Variants in BCKDHB observed in about 807,000 individuals in gnomAD.
BCKDHB encodes branched chain keto acid dehydrogenase E1 subunit beta.
BCKDHB carries 41 observed loss-of-function variants against 48.5 expected under a neutral mutation model. The ratio of observed to expected loss-of-function variants is 0.85; its 90% CI spans 0.66 to 1.10. The LOEUF (loss-of-function observed/expected upper bound fraction) is 1.10. Ranked by LOEUF, BCKDHB falls within the 50% of genes least tolerant of loss-of-function variation. BCKDHB has a pLI of 0.00. For missense variants in BCKDHB, 496 were observed against 494.2 expected (o/e 1.00, Z -0.03); for synonymous variants, 201 against 174.8 (o/e 1.15, Z -1.18).
At chr6:80,127,749 T>C in intron 2 of BCKDHB, 125 bp downstream of exon 2, 2 of 918,584 alleles carry the variant, frequency 2.2e-6, no homozygotes, top group Non-Finnish European at 3.6e-6. Flanking sequence ...AAAGGTATGA[T>C]TGGGGCTAAA....
At chr6:80,374,351 G>T in the BCKDHB span, 4 of 893,226 alleles carry the variant, frequency 4.5e-6, no homozygotes, top group South Asian at 5.2e-5. Flanking sequence ...CCCACTGCTT[G>T]GCCTGGGCAC....
chr6:80,398,030 C>T, the BCKDHB span, among the ~76,000 whole-genome samples: 1 of 152,120 alleles, frequency 6.6e-6, no homozygotes, highest in African/African-American at 2.4e-5. Flanking sequence ...TTTTATACTA[C>T]TGAGAACAAA....
chr6:80,289,197 C>T (rs1016073490), intron 9 of BCKDHB, among the ~76,000 whole-genome samples: 1 of 152,008 alleles, frequency 6.6e-6, no homozygotes, highest in Non-Finnish European at 1.5e-5. Context: ...GCATTTTAGA[C>T]AGTATGGTTG....
chr6:80,307,824 G>C lies in BCKDHB; in HGVS notation c.1038+34603G>C. ...AAGTTGTAGATAATCCATTCAAATGGAATGTGTCTATATGTGTTTTGGACT... is the reference window on the plus strand; with the variant it reads ...AAGTTGTAGATAATCCATTCAAATGCAATGTGTCTATATGTGTTTTGGACT... On this transcript the variant is annotated intron_variant, in intron 9 of 9. Transcript: ENST00000320393. 4.1e-6 allele frequency: 4 copies of C among 985,022 alleles called. No individual in the cohort carries two copies. The South Asian group carries it at 1.4e-4, about 35-fold the overall frequency. The allele number at this position is 985,022 out of a possible 1,614,324, so 61.0% of individuals were successfully genotyped here.
At chr6:80,129,366 G>A (rs138465650) in intron 3 of BCKDHB, 137 bp downstream of exon 3, 40 of 705,988 alleles carry the variant, frequency 5.7e-5, no homozygotes, top group South Asian at 4.0e-4. Flanking sequence ...AACGCCACCC[G>A]CAGAATCCTT....
the BCKDHB span, among the ~76,000 whole-genome samples, chr6:80,412,400 G>A: frequency 7.9e-5 from 12 of 152,020 alleles, no homozygotes; most frequent in African/African-American, 2.9e-4. Context: ...ACCTGTCTCG[G>A]CCTCCCAGAG....
the BCKDHB span, among the ~76,000 whole-genome samples, chr6:80,380,825 T>G: frequency 6.6e-6 from 1 of 152,026 alleles, no homozygotes; most frequent in Non-Finnish European, 1.5e-5. Flanking sequence ...AAGAACTGTT[T>G]TCTTAATTTC....
chr6:80,188,007 A>G (rs889598038), intron 6 of BCKDHB, among the ~76,000 whole-genome samples: 3 of 152,180 alleles, frequency 2.0e-5, no homozygotes, highest in African/African-American at 7.2e-5. Flanking sequence ...GAGTCATTCT[A>G]CCATAAAGAC....
At chr6:80,244,123 G>A (rs961740507) in intron 8 of BCKDHB, among the ~76,000 whole-genome samples, 2 of 152,176 alleles carry the variant, frequency 1.3e-5, no homozygotes, top group African/African-American at 4.8e-5. Context: ...AACTGATTGG[G>A]AAACATGTTA....
intron 9 of BCKDHB, among the ~76,000 whole-genome samples, chr6:80,304,471 C>T (rs1456414778): frequency 1.3e-5 from 2 of 151,976 alleles, no homozygotes; most frequent in African/African-American, 4.8e-5. Flanking sequence ...GAAACTGAAC[C>T]ATTAGCTTAT....
At position 80,275,566 on chromosome 6, in the gene BCKDHB, A is replaced by G. The variant is rs751588295; in HGVS notation, c.1038+2345A>G. On this transcript the variant is annotated intron_variant, in intron 9 of 9. Coordinates refer to ENST00000320393, the MANE Select transcript of BCKDHB (RefSeq NM_183050.4). The stretch of plus-strand genomic sequence containing the variant: ...TTTTATTTGCACAAATAGAAAGTAT[A>G]GAAAATGAATTTTAGTAAAATTTAG... 5.9e-5 allele frequency among the ~76,000 whole-genome samples: 9 copies of G among 152,108 alleles called. No individual in the cohort carries two copies. The East Asian group carries it at 9.6e-4, about 16-fold the overall frequency.
chr6:80,195,678 G>T (rs180917484), intron 6 of BCKDHB, among the ~76,000 whole-genome samples: 112 of 152,196 alleles, frequency 7.4e-4, no homozygotes, highest in Non-Finnish European at 1.2e-3. Context: ...ATGGTCCTAA[G>T]ATTACAGGTG....
intron 9 of BCKDHB, among the ~76,000 whole-genome samples, chr6:80,290,645 G>A (rs1766865087): frequency 6.6e-6 from 1 of 152,170 alleles, no homozygotes; most frequent in Non-Finnish European, 1.5e-5. Context: ...TTTGTTACCA[G>A]AAAGTGGTCC....
chr6:80,175,647 A>C (rs1773117696), intron 6 of BCKDHB, among the ~76,000 whole-genome samples: 1 of 152,214 alleles, frequency 6.6e-6, no homozygotes, highest in Non-Finnish European at 1.5e-5. Flanking sequence ...CCATCACTAG[A>C]GGATTTTAGG....
intron 9 of BCKDHB, among the ~76,000 whole-genome samples, chr6:80,337,182 G>A (rs1026795647): frequency 6.6e-6 from 1 of 152,024 alleles, no homozygotes; most frequent in Non-Finnish European, 1.5e-5. Context: ...TTTTGACTAT[G>A]GGCAAATGTT....
intron 8 of BCKDHB, among the ~76,000 whole-genome samples, chr6:80,241,973 A>G (rs1172977362): frequency 6.6e-6 from 1 of 152,128 alleles, no homozygotes; most frequent in Non-Finnish European, 1.5e-5. Context: ...AGTTATATAT[A>G]CATTGCAAGT....
the BCKDHB span, among the ~76,000 whole-genome samples, chr6:80,351,709 C>T: frequency 1.4e-5 from 2 of 140,026 alleles, no homozygotes; most frequent in South Asian, 4.6e-4. Flanking sequence ...GTGGTATGAT[C>T]TCGGCTCACT....
rs183666676 is a variant in BCKDHB, at chr6:80,226,333, C to T, written c.951+23121C>T. Among the ~76,000 whole-genome samples the T allele has an allele frequency of 3.7e-4, 56 of 152,294 alleles. 1 individual carries two copies. Among genetic ancestry groups the T allele is most frequent in the South Asian group, 2.1e-4 (1 of 4,824 alleles). On this transcript the variant is annotated intron_variant, in intron 8 of 9. Coordinates refer to ENST00000320393, the MANE Select transcript of BCKDHB (RefSeq NM_183050.4). ...AGGATGTTAAAAAACCAGAATCTCT[C>T]AGTAAATTGTGGTCTGTAACAATTC...
chr6:80,411,391 G>T, the BCKDHB span, among the ~76,000 whole-genome samples: 1 of 152,332 alleles, frequency 6.6e-6, no homozygotes, highest in South Asian at 2.1e-4. Flanking sequence ...CTACTGGGAG[G>T]TGTCTCCCAG....
Sources: gnomAD v4.1 joint callset for allele counts (sites outside exome capture counted in the v4.1 genomes callset) on GRCh38, gnomAD v4.1.1 for gene constraint, MANE v1.5 for transcripts, NCBI Gene and HGNC (gene_info 2026-07-23, HGNC 2026-07-21) for gene names.